Variants in WNT2B observed in about 807,000 individuals in gnomAD.
WNT2B encodes the protein Wnt family member 2B.
Under a neutral mutation model 40.5 loss-of-function variants are expected in WNT2B, and 19 were observed. That is an observed-to-expected ratio of 0.47 (90% CI 0.33 to 0.69). WNT2B has a LOEUF of 0.69. Ranked by LOEUF, WNT2B falls within the 30% of genes least tolerant of loss-of-function variation. The pLI is 0.02. For missense variants in WNT2B, 467 were observed against 556.4 expected, an observed-to-expected ratio of 0.84 and a Z score of 1.62; for synonymous variants, 220 against 211.9, an observed-to-expected ratio of 1.04 and a Z score of -0.33.
intron 1 of WNT2B, among the ~76,000 whole-genome samples, chr1:112,474,275 A>C (rs554360637): frequency 6.6e-6 from 1 of 151,500 alleles, no homozygotes; most frequent in East Asian, 2.0e-4. Context: ...CCTCCCAAGT[A>C]GCTGGGACTA....
rs374121066 is a variant in WNT2B, at chr1:112,523,512, A to G, written c.*3003A>G. 2.6e-5 allele frequency: 4 copies of G among 152,152 alleles called. No homozygotes were observed. Among genetic ancestry groups the G allele is most frequent in the African/African-American group, 7.2e-5 (3 of 41,420 alleles). The allele number at this position is 152,152 out of a possible 1,614,324, so 9.4% of individuals were successfully genotyped here. On this transcript the variant is annotated 3_prime_UTR_variant, in exon 5 of 5. Transcript: ENST00000369684. ...AGTCTGCATTACACAAATAGACACT[A>G]ATTTATTTGGAACAAGCAGCAAAAT... is the stretch of plus-strand genomic sequence containing the variant.
rs1368749207 is a variant in WNT2B, at chr1:112,525,963, G to A, written c.*5454G>A. ...GGGTTACTGTCACTTTACAGATGCT[G>A]TTCAGAAAAATTTGGTGATTTGTCC... is the stretch of plus-strand genomic sequence containing the variant. On this transcript the variant is annotated 3_prime_UTR_variant, in exon 5 of 5. Coordinates refer to ENST00000369684, the MANE Select transcript of WNT2B (RefSeq NM_024494.3). 1 of 1,610,816 alleles carries A rather than the reference G, an allele frequency of 6.2e-7. No homozygotes were observed. The highest frequency in any genetic ancestry group is 2.2e-5 in the East Asian group (1 of 44,816).
chr1:112,496,177 A>G (rs1437905581), intron 1 of WNT2B, among the ~76,000 whole-genome samples: 1 of 152,154 alleles, frequency 6.6e-6, no homozygotes, highest in Non-Finnish European at 1.5e-5. Context: ...ACAGCGATGT[A>G]ATCATAGCTC....
In WNT2B at chr1:112,520,521, C is replaced by T; in HGVS notation, c.*12C>T. On this transcript the variant is annotated 3_prime_UTR_variant, in exon 5 of 5. Coordinates refer to ENST00000369684, the MANE Select transcript of WNT2B (RefSeq NM_024494.3). ...TGGACCAAACCTGAACACACAGATA[C>T]CTCACTCATCCCTCCAATTCAAGCC... The T allele has an allele frequency of 6.2e-7, 1 of 1,611,818 alleles. No homozygotes were observed.
At position 112,475,052 on chromosome 1, in the gene WNT2B, C is replaced by A. The variant is rs138390154; in HGVS notation, c.-95+7461C>A. On this transcript the variant is annotated intron_variant, in intron 1 of 4. Coordinates refer to the WNT2B transcript ENST00000256640. ...CTGTACAGCCAACAGAACCATGAGA[C>A]AGTTAAACCTCTTTTCATTATAAAT... is the stretch of plus-strand genomic sequence containing the variant. Among the ~76,000 whole-genome samples the A allele has an allele frequency of 4.3e-3, 657 of 152,260 alleles. 6 individuals are homozygous for A. Among genetic ancestry groups the A allele is most frequent in the African/African-American group, 0.015 (629 of 41,524 alleles).
At chr1:112,517,590 T>A (rs1308176355) in intron 4 of WNT2B, among the ~76,000 whole-genome samples, 2 of 152,182 alleles carry the variant, frequency 1.3e-5, no homozygotes, top group Admixed American at 6.5e-5. Context: ...GTCACTCAGC[T>A]CCTTGAGGCC....
chr1:112,505,469 TAACTC>T (rs1652079077), upstream of WNT2B, among the ~76,000 whole-genome samples: 1 of 152,206 alleles, frequency 6.6e-6, no homozygotes, highest in Non-Finnish European at 1.5e-5. Flanking sequence ...GACCAGAACT[TAACTC>T]TGAGATCAGT....
chr1:112,519,275 T>C (rs1012692015), intron 4 of WNT2B, among the ~76,000 whole-genome samples: 4 of 152,242 alleles, frequency 2.6e-5, no homozygotes, highest in Non-Finnish European at 5.9e-5. Context: ...ATGTATATTA[T>C]AAAACGTAAA....
Position 112,525,170 on chromosome 1 carries a change from A to G in WNT2B, c.*4661A>G, listed in dbSNP as rs3790611. ...GCAGTCTCCTATGACTGCATGGGGTATAACTGCCAAGCCTACTGCTCATGA... is the reference window on the plus strand; with the variant it reads ...GCAGTCTCCTATGACTGCATGGGGTGTAACTGCCAAGCCTACTGCTCATGA... On this transcript the variant is annotated 3_prime_UTR_variant, in exon 5 of 5. Transcript: ENST00000369684. 35,449 of 152,180 alleles carry G rather than the reference A, an allele frequency of 0.23. 4,264 individuals carry two copies. The highest frequency in any genetic ancestry group is 0.27 in the Middle Eastern group (78 of 294). 9.4% of individuals were successfully genotyped at this position (152,180 alleles called of 1,614,324 possible).
In WNT2B at chr1:112,514,824, A is replaced by G. The variant is rs147162637; in HGVS notation, c.183-50A>G. ...CGTACCCCTTCCTTATTCCCTCCCA[A>G]TGCAGAAAAAGGTCTGGGATGTTCT... On this transcript the variant is annotated intron_variant, in intron 1 of 4. Transcript: ENST00000369684. 0.015 allele frequency: 23,763 copies of G among 1,582,176 alleles called. 237 individuals carry two copies. The highest frequency in any genetic ancestry group is 0.019 in the South Asian group (1,695 of 90,422).
chr1:112,506,708 C>T (rs1452707500), upstream of WNT2B, among the ~76,000 whole-genome samples: 5 of 152,342 alleles, frequency 3.3e-5, no homozygotes, highest in Non-Finnish European at 5.9e-5. Flanking sequence ...GAAAACTAAG[C>T]ACAGAGTCTG....
At position 112,523,666 on chromosome 1, in the gene WNT2B, CCT is replaced by C. The variant is rs1484045679; in HGVS notation, c.*3162_*3163del. The C allele has an allele frequency of 6.6e-6, 1 of 152,194 alleles. No homozygotes were observed. Among genetic ancestry groups the C allele is most frequent in the African/African-American group, 2.4e-5 (1 of 41,436 alleles). 9.4% of individuals were successfully genotyped at this position (152,194 alleles called of 1,614,324 possible). ...AGATCAGCAATGTCTTAGCCCCTCT[CCT>C]CTCTTCCATTCCTTCCTGTTGGTAC... On this transcript the variant is annotated 3_prime_UTR_variant, in exon 5 of 5. Coordinates refer to ENST00000369684, the MANE Select transcript of WNT2B (RefSeq NM_024494.3).
intron 1 of WNT2B, among the ~76,000 whole-genome samples, chr1:112,468,075 C>T (rs1287472958): frequency 6.6e-6 from 1 of 152,136 alleles, no homozygotes; most frequent in African/African-American, 2.4e-5. Context: ...TCTTTCTGTG[C>T]CTGGCTAATT....
intron 1 of WNT2B, among the ~76,000 whole-genome samples, chr1:112,511,243 G>C (rs1652338659): frequency 6.7e-6 from 1 of 150,164 alleles, no homozygotes; most frequent in African/African-American, 2.4e-5. Context: ...AAGAGCTAGG[G>C]AGGGAGGGAG....
chr1:112,508,889 T>G (rs1652227118), upstream of WNT2B: 1 of 1,034,884 alleles, frequency 9.7e-7, no homozygotes, highest in African/African-American at 1.7e-5. This position sits in a 1 kb window ranked among gnomAD's most constrained non-coding sequence, Gnocchi z 4.2. Context: ...GGAGCCGCCC[T>G]AAGGGCCGCG....
chr1:112,508,641 C>G (rs1026484428), upstream of WNT2B: 1 of 919,378 alleles, frequency 1.1e-6, no homozygotes, highest in East Asian at 1.2e-4. The surrounding 1 kb of genome is among the most constrained non-coding windows in gnomAD (Gnocchi z 4.2). Context: ...ATCCCCTTCC[C>G]GCTCCGCCAG....
chr1:112,506,513 A>G (rs1429589325), upstream of WNT2B, among the ~76,000 whole-genome samples: 1 of 152,140 alleles, frequency 6.6e-6, no homozygotes, highest in East Asian at 1.9e-4. Flanking sequence ...TGTAGAAATA[A>G]ACACAGGGCC....
At chr1:112,513,314 T>C (rs1383704441) in intron 1 of WNT2B, among the ~76,000 whole-genome samples, 14 of 152,248 alleles carry the variant, frequency 9.2e-5, no homozygotes, top group Admixed American at 8.5e-4. Flanking sequence ...CTGGGGTGTT[T>C]ATTTTGTTTG....
At chr1:112,471,406 C>T (rs948007855) in intron 1 of WNT2B, among the ~76,000 whole-genome samples, 11 of 152,294 alleles carry the variant, frequency 7.2e-5, no homozygotes, top group African/African-American at 2.6e-4. Context: ...CCATCTGTGC[C>T]TCAGGTATTT....
Sources: allele counts gnomAD v4.1 joint callset (sites outside exome capture counted in the v4.1 genomes callset), GRCh38; gene constraint gnomAD v4.1.1; non-coding constraint Gnocchi (gnomAD v3.1); transcripts MANE v1.5; gene names NCBI Gene and HGNC (gene_info 2026-07-23, HGNC 2026-07-21).